The following KIF6 variants were observed in gnomAD, a reference collection of about 807,000 sequenced individuals.
KIF6 encodes the protein kinesin family member 6.
Under a neutral mutation model 112.7 loss-of-function variants are expected in KIF6, and 106 were observed. That is an observed-to-expected ratio of 0.94 (90% CI 0.80 to 1.11). The LOEUF is 1.11. Among genes scored for constraint, KIF6 ranks in the 50% least tolerant of loss-of-function variants. KIF6 has a pLI of 0.00. For synonymous variants in KIF6, 339 were observed against 339.9 expected, an observed-to-expected ratio of 1.00 and a Z score of 0.03; for missense variants, 929 against 964.0, an observed-to-expected ratio of 0.96 and a Z score of 0.48.
intron 10 of KIF6, among the ~76,000 whole-genome samples, chr6:39,548,779 CA>C (rs1271978942): frequency 6.6e-6 from 1 of 152,170 alleles, no homozygotes; most frequent in Non-Finnish European, 1.5e-5. Context: ...CTCTGCTGAA[CA>C]GTGGAAAACT....
At chr6:39,578,829 T>A (rs1008395906) in intron 9 of KIF6, among the ~76,000 whole-genome samples, 1 of 152,208 alleles carries the variant, frequency 6.6e-6, no homozygotes, top group African/African-American at 2.4e-5. Flanking sequence ...TGCCCTAAAC[T>A]TTATGTAAAT....
chr6:39,715,041 G>A (rs1789753283), intron 2 of KIF6: 1 of 279,142 alleles, frequency 3.6e-6, no homozygotes, highest in African/African-American at 2.2e-5. Flanking sequence ...CAAATTGTGT[G>A]CTTTTTAGCT....
intron 13 of KIF6, among the ~76,000 whole-genome samples, chr6:39,448,412 A>G (rs922634522): frequency 4.6e-5 from 7 of 152,170 alleles, no homozygotes; most frequent in African/African-American, 1.7e-4. Flanking sequence ...TGACCTCAGG[A>G]GATCCACCCG....
chr6:39,357,233 C>A (rs757043014), intron 19 of KIF6, 44 bp downstream of exon 19: 30 of 1,252,738 alleles, frequency 2.4e-5, no homozygotes, highest in Middle Eastern at 1.9e-4. Context: ...AGGTAGGGAG[C>A]CTTTTCTGGG....
At chr6:39,540,845 C>G (rs1460725231) in intron 12 of KIF6, among the ~76,000 whole-genome samples, 1 of 152,220 alleles carries the variant, frequency 6.6e-6, no homozygotes, top group Non-Finnish European at 1.5e-5. Context: ...TTAGCACAGA[C>G]ATATCATTTT....
At chr6:39,578,265 A>G in intron 9 of KIF6, 106 bp from the exon 10 acceptor site, 1 of 740,630 alleles carries the variant, frequency 1.4e-6, no homozygotes, top group Non-Finnish European at 2.4e-6. Flanking sequence ...ATGGACACAA[A>G]AATGGGTAAT....
At position 39,569,980 on chromosome 6, in the gene KIF6, C is replaced by T. The variant is rs556902731; in HGVS notation, c.1181+8076G>A. 3.9e-5 allele frequency among the ~76,000 whole-genome samples: 6 copies of T among 152,250 alleles called. No individual in the cohort carries two copies. The South Asian group carries it at 6.2e-4, about 16-fold the overall frequency. The stretch of plus-strand genomic sequence containing the variant: ...AAGTGCGATTTATTTGATGGATAAA[C>T]GAGCATTTAAGACTCTTCCTTTAGG... On this transcript the variant is annotated intron_variant, in intron 10 of 22. Transcript: ENST00000287152.
In KIF6 at chr6:39,337,172, CTTCTTTCT is replaced by C. The variant is rs71543959; in HGVS notation, c.2429-632_2429-625del. Reference sequence around the variant, plus strand: ...TCTCTTTCTTTTCTTTCTTTCCTTCCTTCTTTCTTTCTTTCTTTCTTTCTTTCTTTCTT... The same window carrying C: ...TCTCTTTCTTTTCTTTCTTTCCTTCCTTCTTTCTTTCTTTCTTTCTTTCTT... On this transcript the variant is annotated intron_variant, in intron 22 of 22. Coordinates refer to ENST00000287152, the MANE Select transcript of KIF6 (RefSeq NM_145027.6). Among the ~76,000 whole-genome samples the C allele has an allele frequency of 5.3e-3, 316 of 59,512 alleles. 4 individuals carry two copies. The highest frequency in any genetic ancestry group is 0.027 in the Middle Eastern group (3 of 112). The allele number at this position is 59,512 out of a possible 152,430, so 39.0% of individuals were successfully genotyped here.
intron 15 of KIF6, among the ~76,000 whole-genome samples, chr6:39,412,574 TAC>T: frequency 6.6e-6 from 1 of 152,360 alleles, no homozygotes; most frequent in South Asian, 2.1e-4. Context: ...CATCAAGTAA[TAC>T]ACAGTCGGTT....
chr6:39,514,496 T>C (rs932002685), intron 13 of KIF6, among the ~76,000 whole-genome samples: 1 of 152,236 alleles, frequency 6.6e-6, no homozygotes, highest in Non-Finnish European at 1.5e-5. Context: ...ATAATGCAAA[T>C]GAGTTCTCTC....
chr6:39,480,086 T>C (rs911146327), intron 13 of KIF6, among the ~76,000 whole-genome samples: 2 of 152,196 alleles, frequency 1.3e-5, no homozygotes, highest in Non-Finnish European at 2.9e-5. Context: ...TCCAGTACTA[T>C]GTTGAATAGA....
intron 4 of KIF6, among the ~76,000 whole-genome samples, chr6:39,638,584 T>C (rs948823536): frequency 6.6e-6 from 1 of 152,246 alleles, no homozygotes; most frequent in African/African-American, 2.4e-5. Context: ...GCTGAACTAA[T>C]GGATAATTGC....
At chr6:39,634,987 A>G in intron 4 of KIF6, 29 bp from the exon 5 acceptor site, 1 of 1,204,768 alleles carries the variant, frequency 8.3e-7, no homozygotes, top group East Asian at 2.3e-5. Context: ...GGTATTATTT[A>G]TCGGTTATAA....
At chr6:39,399,474 C>T (rs141843625) in intron 15 of KIF6, among the ~76,000 whole-genome samples, 83 of 152,316 alleles carry the variant, frequency 5.4e-4, no homozygotes, top group Middle Eastern at 3.4e-3. Context: ...CATTGAGAAA[C>T]GCTGCTTTTG....
chr6:39,689,389 A>G (rs977229852), intron 3 of KIF6, among the ~76,000 whole-genome samples: 25 of 151,856 alleles, frequency 1.6e-4, no homozygotes, highest in Admixed American at 2.0e-4. Context: ...CCAGCTACTT[A>G]GAAGGCTGAT....
intron 10 of KIF6, among the ~76,000 whole-genome samples, chr6:39,576,424 A>G (rs1780979427): frequency 6.6e-6 from 1 of 152,144 alleles, no homozygotes. Context: ...GTAGTGATTG[A>G]ATATGTTGCT....
At chr6:39,408,060 C>G (rs1202073236) in intron 15 of KIF6, among the ~76,000 whole-genome samples, 3 of 152,124 alleles carry the variant, frequency 2.0e-5, no homozygotes, top group African/African-American at 7.2e-5. Context: ...CAAAGAGCTC[C>G]TACAACTCAG....
intron 14 of KIF6, among the ~76,000 whole-genome samples, chr6:39,429,433 T>C (rs1562207702): frequency 6.6e-6 from 1 of 152,288 alleles, no homozygotes; most frequent in East Asian, 1.9e-4. Flanking sequence ...AGGGCTAACC[T>C]CCACTGAGCT....
chr6:39,713,424 G>GA (rs1476317930), intron 3 of KIF6, among the ~76,000 whole-genome samples: 1 of 152,192 alleles, frequency 6.6e-6, no homozygotes, highest in Non-Finnish European at 1.5e-5. Flanking sequence ...GAGAGGAACT[G>GA]AAGTAGTGAA....
Sources: gnomAD v4.1 joint callset for allele counts (sites outside exome capture counted in the v4.1 genomes callset) on GRCh38, gnomAD v4.1.1 for gene constraint, MANE v1.5 for transcripts, NCBI Gene and HGNC (gene_info 2026-07-23, HGNC 2026-07-21) for gene names.